The following DCLK1 variants were observed in gnomAD, a reference collection of about 807,000 sequenced individuals.
DCLK1 encodes doublecortin like kinase 1.
DCLK1 carries 16 observed loss-of-function variants against 86.2 expected under a neutral mutation model. That is an observed-to-expected ratio of 0.19 (90% confidence interval 0.13 to 0.28). The LOEUF (loss-of-function observed/expected upper bound fraction) is 0.28, where lower values mean the gene tolerates loss of function less well. Among genes scored for constraint, DCLK1 ranks in the 10% least tolerant of loss-of-function variants. The pLI, the probability that DCLK1 is intolerant of heterozygous loss-of-function variation, is 1.00. For missense variants in DCLK1, 590 were observed against 940.2 expected, an observed-to-expected ratio of 0.63 and a Z score of 4.87; for synonymous variants, 369 against 370.5, an observed-to-expected ratio of 1.00 and a Z score of 0.05.
chr13:36,066,306 C>T (rs971708356), intron 3 of DCLK1, among the ~76,000 whole-genome samples: 5 of 152,110 alleles, frequency 3.3e-5, no homozygotes, highest in South Asian at 4.1e-4. Flanking sequence ...TGGAACAGAA[C>T]GGCCCTGGAA....
In DCLK1 at chr13:35,772,061, A is replaced by T. The variant is rs996153740; in HGVS notation, c.*2474T>A. 6.6e-6 allele frequency: 1 copy of T among 152,240 alleles called. No homozygotes were observed. Among genetic ancestry groups the T allele is most frequent in the Non-Finnish European group, 1.5e-5 (1 of 68,054 alleles). 9.4% of individuals were successfully genotyped at this position (152,240 alleles called of 1,614,324 possible). Reference sequence around the variant, plus strand: ...GGATCTTGGTAGCTTAATGTTAGAAAGATTGCATTCCATCTGATTACTCAA... The same window carrying T: ...GGATCTTGGTAGCTTAATGTTAGAATGATTGCATTCCATCTGATTACTCAA... On this transcript the variant is annotated 3_prime_UTR_variant, in exon 17 of 17. Transcript: ENST00000360631.
chr13:36,061,810 A>G (rs1488435841), intron 3 of DCLK1, among the ~76,000 whole-genome samples: 2 of 152,216 alleles, frequency 1.3e-5, no homozygotes, highest in African/African-American at 4.8e-5. Flanking sequence ...GTTACCTTGC[A>G]TCTACTCAAA....
intron 2 of DCLK1, among the ~76,000 whole-genome samples, chr13:36,124,761 CTCCA>C (rs1886109499): frequency 6.6e-6 from 1 of 152,182 alleles, no homozygotes; most frequent in Non-Finnish European, 1.5e-5. Flanking sequence ...TCTTCCAACA[CTCCA>C]TCCAACCTCC....
intron 3 of DCLK1, among the ~76,000 whole-genome samples, chr13:35,983,666 C>G (rs1458445098): frequency 6.6e-6 from 1 of 152,212 alleles, no homozygotes; most frequent in Non-Finnish European, 1.5e-5. Context: ...ATACCCCATT[C>G]TCCATGATGT....
intron 4 of DCLK1, among the ~76,000 whole-genome samples, chr13:35,898,080 C>T (rs1315311375): frequency 1.3e-5 from 2 of 152,106 alleles, no homozygotes; most frequent in African/African-American, 4.8e-5. Flanking sequence ...TTAGGTTAAT[C>T]CCTTTCTTTT....
chr13:35,831,605 G>C (rs1437808696), intron 8 of DCLK1, among the ~76,000 whole-genome samples: 1 of 152,070 alleles, frequency 6.6e-6, no homozygotes, highest in Non-Finnish European at 1.5e-5. Context: ...CTATGTTTGA[G>C]TGTACTCAGA....
chr13:35,886,246 C>T (rs894222953), intron 4 of DCLK1, among the ~76,000 whole-genome samples: 8 of 151,976 alleles, frequency 5.3e-5, no homozygotes, highest in East Asian at 3.9e-4. Flanking sequence ...CTCCTGACCT[C>T]GTGATCTGCC....
intron 4 of DCLK1, among the ~76,000 whole-genome samples, chr13:35,930,961 G>A (rs149963972): frequency 1.2e-4 from 18 of 152,236 alleles, no homozygotes; most frequent in Middle Eastern, 3.4e-3. Context: ...TTCATGAATT[G>A]CTGTCTGTTT....
chr13:36,114,232 C>A (rs759365592), intron 2 of DCLK1, among the ~76,000 whole-genome samples: 16 of 152,172 alleles, frequency 1.1e-4, no homozygotes, highest in Admixed American at 7.9e-4. Context: ...AGATAAAGCA[C>A]CCTGAAAATG....
rs569087029 is a variant in DCLK1, at chr13:36,096,408, A to G, written c.723+15461T>C. Among the ~76,000 whole-genome samples, 164 of 152,368 alleles carry G rather than the reference A, an allele frequency of 1.1e-3. 1 individual carries two copies. Among genetic ancestry groups the G allele is most frequent in the African/African-American group, 3.8e-3 (157 of 41,586 alleles). ...AAGGCCAGCAGCATCTTAACACTGAAGTACAAAGGCATTTTCAATGATGGT... is the reference window on the plus strand; with the variant it reads ...AAGGCCAGCAGCATCTTAACACTGAGGTACAAAGGCATTTTCAATGATGGT... On this transcript the variant is annotated intron_variant, in intron 3 of 16. Transcript: ENST00000360631.
At chr13:35,865,303 CA>C (rs139888566) in intron 5 of DCLK1, among the ~76,000 whole-genome samples, 4,939 of 152,132 alleles carry the variant, frequency 0.032, 139 homozygotes, top group Middle Eastern at 0.068. Flanking sequence ...ATCTGTGTTC[CA>C]AATATATACA....
At chr13:35,971,025 A>T (rs942922353) in intron 3 of DCLK1, among the ~76,000 whole-genome samples, 7 of 152,166 alleles carry the variant, frequency 4.6e-5, no homozygotes, top group Non-Finnish European at 5.9e-5. Context: ...TGTTAGGGTA[A>T]CATACTTGAC....
intron 3 of DCLK1, among the ~76,000 whole-genome samples, chr13:36,083,305 A>C (rs1202053260): frequency 6.6e-6 from 1 of 152,160 alleles, no homozygotes; most frequent in East Asian, 1.9e-4. Context: ...TACACTAAAA[A>C]TGTCTAGTTT....
intron 6 of DCLK1, among the ~76,000 whole-genome samples, chr13:35,840,084 G>A (rs1003847846): frequency 1.1e-4 from 16 of 152,248 alleles, no homozygotes; most frequent in African/African-American, 3.9e-4. Flanking sequence ...GGGGGCGGGC[G>A]GCATTGGCTC....
chr13:35,822,080 A>T (rs1335997651), intron 11 of DCLK1, among the ~76,000 whole-genome samples: 1 of 152,102 alleles, frequency 6.6e-6, no homozygotes, highest in Non-Finnish European at 1.5e-5. Context: ...GGAGACTCCA[A>T]AAAAGTCTAA....
chr13:36,091,200 A>G (rs1376289352), intron 3 of DCLK1, among the ~76,000 whole-genome samples: 5 of 152,056 alleles, frequency 3.3e-5, no homozygotes, highest in African/African-American at 9.6e-5. Flanking sequence ...ATTAGATCCC[A>G]TTTGTCAATT....
chr13:36,123,483 C>T (rs1886062479), intron 2 of DCLK1, among the ~76,000 whole-genome samples: 1 of 152,132 alleles, frequency 6.6e-6, no homozygotes, highest in Non-Finnish European at 1.5e-5. Flanking sequence ...TCAGAATATT[C>T]AGTCGGCAGT....
intron 3 of DCLK1, among the ~76,000 whole-genome samples, chr13:36,109,068 G>C (rs1885514639): frequency 6.6e-6 from 1 of 152,308 alleles, no homozygotes; most frequent in African/African-American, 2.4e-5. Flanking sequence ...AGATTCTAAA[G>C]ACTCCTGGGG....
intron 13 of DCLK1, 45 bp downstream of exon 13, chr13:35,808,973 A>G (rs745504922): frequency 1.3e-6 from 2 of 1,558,028 alleles, no homozygotes; most frequent in Non-Finnish European, 1.8e-6. Context: ...CTCAGAGAGT[A>G]GAGAAATGCT....
Sources: allele counts gnomAD v4.1 joint callset (sites outside exome capture counted in the v4.1 genomes callset), GRCh38; gene constraint gnomAD v4.1.1; transcripts MANE v1.5; gene names NCBI Gene and HGNC (gene_info 2026-07-23, HGNC 2026-07-21).